Variants in ARHGAP15 observed in about 807,000 individuals in gnomAD.
ARHGAP15 encodes the protein Rho GTPase activating protein 15.
In ARHGAP15, 51 loss-of-function variants were observed where a neutral mutation model predicts 63.7. The ratio of observed to expected loss-of-function variants is 0.80; its 90% CI spans 0.64 to 1.01. The LOEUF is 1.01. ARHGAP15 is among the 50% of genes least tolerant of loss of function. The pLI is 0.00. For missense variants in ARHGAP15, 560 were observed against 564.6 expected (o/e 0.99, Z 0.08); for synonymous variants, 191 against 193.8 (o/e 0.99, Z 0.12).
At chr2:143,670,678 A>G (rs1682475501) in intron 12 of ARHGAP15, among the ~76,000 whole-genome samples, 1 of 152,202 alleles carries the variant, frequency 6.6e-6, no homozygotes, top group African/African-American at 2.4e-5. Flanking sequence ...GTACCCCAGT[A>G]ACATCTACCC....
intron 10 of ARHGAP15, among the ~76,000 whole-genome samples, chr2:143,523,307 G>T (rs1030200990): frequency 2.0e-5 from 3 of 152,104 alleles, no homozygotes; most frequent in African/African-American, 4.8e-5. Context: ...CTACAAGACA[G>T]AAGAACCATA....
intron 10 of ARHGAP15, among the ~76,000 whole-genome samples, chr2:143,541,829 C>T (rs1258815934): frequency 1.3e-5 from 2 of 152,224 alleles, no homozygotes; most frequent in African/African-American, 4.8e-5. Flanking sequence ...CAGTCAGGGA[C>T]CCACTTGAGG....
intron 13 of ARHGAP15, among the ~76,000 whole-genome samples, chr2:143,725,874 T>TA (rs1685250569): frequency 6.6e-6 from 1 of 152,100 alleles, no homozygotes; most frequent in South Asian, 2.1e-4. Context: ...TTTCCCCCTA[T>TA]AAAAAACACA....
intron 6 of ARHGAP15, among the ~76,000 whole-genome samples, chr2:143,367,401 C>G (rs1686343118): frequency 1.3e-5 from 2 of 151,832 alleles, no homozygotes; most frequent in Admixed American, 6.6e-5. Flanking sequence ...GTTGTACTCC[C>G]TTGACTTCAT....
chr2:143,234,507 G>T (rs1441543517), intron 5 of ARHGAP15, among the ~76,000 whole-genome samples: 1 of 152,128 alleles, frequency 6.6e-6, no homozygotes, highest in Non-Finnish European at 1.5e-5. Flanking sequence ...CCCAGAGACT[G>T]ACTATCTCAA....
intron 8 of ARHGAP15, among the ~76,000 whole-genome samples, chr2:143,485,367 T>C (rs1692278700): frequency 6.6e-6 from 1 of 152,222 alleles, no homozygotes. Context: ...TATTATCAAT[T>C]CATTTAAAAA....
At chr2:143,563,711 C>T (rs1696114913) in intron 11 of ARHGAP15, among the ~76,000 whole-genome samples, 1 of 152,132 alleles carries the variant, frequency 6.6e-6, no homozygotes, top group African/African-American at 2.4e-5. Flanking sequence ...ATGATCATCA[C>T]CATCATCATC....
intron 6 of ARHGAP15, among the ~76,000 whole-genome samples, chr2:143,340,940 A>G (rs575542063): frequency 4.2e-4 from 64 of 152,310 alleles, no homozygotes; most frequent in Middle Eastern, 3.4e-3. Context: ...CTAATAAATC[A>G]GAATACTGAA....
chr2:143,363,978 C>A (rs1341606748), intron 6 of ARHGAP15, among the ~76,000 whole-genome samples: 1 of 152,164 alleles, frequency 6.6e-6, no homozygotes, highest in African/African-American at 2.4e-5. Flanking sequence ...GAAGAAGTTA[C>A]ATGTCTTCTT....
rs115513758 is a variant in ARHGAP15 at position 143,497,923 on chromosome 2, T to C, written c.826+10428T>C. 1.8e-3 allele frequency among the ~76,000 whole-genome samples: 267 copies of C among 152,298 alleles called. 2 individuals carry two copies. Among genetic ancestry groups the C allele is most frequent in the African/African-American group, 5.8e-3 (241 of 41,570 alleles). On this transcript the variant is annotated intron_variant, in intron 9 of 13. Transcript: ENST00000295095. ...TGTATGTTGAGTGTGTCTCTAAAGA[T>C]AGTACATGTCAGAGCTCTCATAACT... is the stretch of plus-strand genomic sequence containing the variant.
chr2:143,362,732 T>TA, intron 6 of ARHGAP15, among the ~76,000 whole-genome samples: 1 of 152,214 alleles, frequency 6.6e-6, no homozygotes, highest in Non-Finnish European at 1.5e-5. Context: ...TCTAACTACT[T>TA]GGTTGTACAA....
chr2:143,297,094 C>T (rs1300903051), intron 6 of ARHGAP15, among the ~76,000 whole-genome samples: 3 of 151,842 alleles, frequency 2.0e-5, no homozygotes, highest in East Asian at 3.9e-4. Context: ...TGAGGGGGAG[C>T]CTTTCCTATG....
At chr2:143,612,201 A>G (rs1698282305) in intron 11 of ARHGAP15, among the ~76,000 whole-genome samples, 1 of 152,120 alleles carries the variant, frequency 6.6e-6, no homozygotes, top group Non-Finnish European at 1.5e-5. Flanking sequence ...TCACCTTTGC[A>G]CTGGTCATAA....
chr2:143,764,443 T>G (rs904417896), intron 13 of ARHGAP15, among the ~76,000 whole-genome samples: 3 of 152,126 alleles, frequency 2.0e-5, no homozygotes, highest in Admixed American at 6.5e-5. Context: ...CTTGGTTCAC[T>G]CCCCCACATT....
rs1205938565 is a variant in ARHGAP15 at position 143,718,286 on chromosome 2, T to C, written c.1244+14762T>C. The stretch of plus-strand genomic sequence containing the variant: ...ACTTGACTTTGAAGCAGTACATAAC[T>C]AGAACCCTAGGCTTCACTTGAATGA... On this transcript the variant is annotated intron_variant, in intron 13 of 13. Coordinates refer to ENST00000295095, the MANE Select transcript of ARHGAP15 (RefSeq NM_018460.4). Among the ~76,000 whole-genome samples, 3 of 152,216 alleles carry C rather than the reference T, an allele frequency of 2.0e-5. No homozygotes were observed. The East Asian group carries it at 5.8e-4, about 29-fold the overall frequency.
chr2:143,486,421 A>AC (rs1692326409), intron 8 of ARHGAP15, among the ~76,000 whole-genome samples: 1 of 151,810 alleles, frequency 6.6e-6, no homozygotes, highest in African/African-American at 2.4e-5. Flanking sequence ...AAAAAAAAAA[A>AC]AAACTTTAGT....
chr2:143,223,264 G>C (rs1693069517), intron 4 of ARHGAP15, among the ~76,000 whole-genome samples: 1 of 152,096 alleles, frequency 6.6e-6, no homozygotes, highest in South Asian at 2.1e-4. Context: ...GTGAGCCACC[G>C]CACCTGGCCC....
intron 7 of ARHGAP15, among the ~76,000 whole-genome samples, chr2:143,436,285 A>C (rs1689609586): frequency 6.6e-6 from 1 of 152,154 alleles, no homozygotes; most frequent in African/African-American, 2.4e-5. Flanking sequence ...TTATGACACT[A>C]ATATTTGCAA....
chr2:143,203,862 A>G (rs896534747), intron 3 of ARHGAP15, among the ~76,000 whole-genome samples: 3 of 152,108 alleles, frequency 2.0e-5, no homozygotes, highest in Non-Finnish European at 2.9e-5. Context: ...TATTTCCAGC[A>G]TGGACCACAG....
Sources: gnomAD v4.1 joint callset for allele counts (sites outside exome capture counted in the v4.1 genomes callset) on GRCh38, gnomAD v4.1.1 for gene constraint, MANE v1.5 for transcripts, NCBI Gene and HGNC (gene_info 2026-07-23, HGNC 2026-07-21) for gene names.